Variants in BTC observed in about 807,000 individuals in gnomAD.
BTC encodes betacellulin.
A neutral mutation model predicts 18.1 loss-of-function variants in BTC; 13 were observed. The ratio of observed to expected loss-of-function variants is 0.72; its 90% confidence interval spans 0.47 to 1.14. BTC has a LOEUF of 1.14. Ranked by LOEUF, BTC falls within the 50% of genes most tolerant of loss-of-function variation. The probability of loss-of-function intolerance (pLI) is 0.00; values close to 1 mark genes in which losing one functional copy is unlikely to be tolerated. For synonymous variants in BTC, 83 were observed against 79.4 expected, an observed-to-expected ratio of 1.05 and a Z score of -0.24; for missense variants, 247 against 224.2, an observed-to-expected ratio of 1.10 and a Z score of -0.65.
chr4:74,770,158 T>C lies in BTC; in HGVS notation c.65-2A>G. 1 of 1,597,866 alleles carries C rather than the reference T, an allele frequency of 6.3e-7. No homozygotes were observed. The highest frequency in any genetic ancestry group is 8.5e-7 in the Non-Finnish European group (1 of 1,174,900). ...CCACACAGTGAAGGATCACTAGACC[T>C]TCAAATTCAAAACAGAACCAAAATC... On this transcript the variant is annotated splice_acceptor_variant, in intron 1 of 5. Coordinates refer to ENST00000395743, the MANE Select transcript of BTC (RefSeq NM_001729.4). LOFTEE classifies it high-confidence loss of function.
At chr4:74,783,381 G>C (rs1052567497) in intron 1 of BTC, among the ~76,000 whole-genome samples, 2 of 151,978 alleles carry the variant, frequency 1.3e-5, no homozygotes, top group African/African-American at 4.8e-5. Flanking sequence ...GCTTGTTTTT[G>C]TCAGGTTTGT....
intron 4 of BTC, among the ~76,000 whole-genome samples, chr4:74,749,071 G>T (rs1489180469): frequency 5.3e-5 from 8 of 152,136 alleles, no homozygotes; most frequent in African/African-American, 1.7e-4. Flanking sequence ...GAAAATAAAA[G>T]TTCATAGTTG....
intron 2 of BTC, among the ~76,000 whole-genome samples, chr4:74,762,699 A>C (rs1419013209): frequency 6.6e-6 from 1 of 152,180 alleles, no homozygotes; most frequent in Non-Finnish European, 1.5e-5. Context: ...CCATCATATA[A>C]GAGTAGACCC....
At position 74,769,834 on chromosome 4, in the gene BTC, T is replaced by C. The variant is rs75680689; in HGVS notation, c.163+224A>G. On this transcript the variant is annotated intron_variant, in intron 2 of 5. Transcript: ENST00000395743. The stretch of plus-strand genomic sequence containing the variant: ...TTTGCTGTTTTCCAGCTGTATGACC[T>C]TTGGCAAGTTACTTAATCTTTGTAG... 2.4e-4 allele frequency among the ~76,000 whole-genome samples: 36 copies of C among 152,222 alleles called. No homozygotes were observed. In the East Asian group the frequency reaches 5.8e-3, roughly 25 times the overall value.
intron 1 of BTC, among the ~76,000 whole-genome samples, chr4:74,781,384 C>CGTGT (rs139134613): frequency 0.044 from 5,511 of 126,468 alleles, 131 homozygotes; most frequent in Middle Eastern, 0.06. Context: ...TCTCTCGTCA[C>CGTGT]GTGTGTGTGT....
rs782457125 is a variant in BTC at position 74,750,629 on chromosome 4, C to A, written c.372G>T (p.Leu124Phe). Residue 124 changes from leucine to phenylalanine, a missense_variant, in exon 4 of 6, where the codon TTG becomes TTT. Transcript: ENST00000395743. Reference protein sequence around the residue: ...GDRGQILVICLIAVMVVFIIL... With the variant: ...GDRGQILVICFIAVMVVFIIL... ...TAATAAAAACTACCATAACTGCTAT[C>A]AAACAAATCACCAGAATCTGTCCTC... is the stretch of plus-strand genomic sequence containing the variant. The A allele has an allele frequency of 1.2e-6, 2 of 1,613,868 alleles. No homozygotes were observed. Among genetic ancestry groups the A allele is most frequent in the African/African-American group, 2.7e-5 (2 of 74,930 alleles).
At chr4:74,764,503 C>A (rs782651171) in intron 2 of BTC, among the ~76,000 whole-genome samples, 6 of 152,132 alleles carry the variant, frequency 3.9e-5, no homozygotes, top group Non-Finnish European at 8.8e-5. Flanking sequence ...TTTCCTTAGA[C>A]CCCTCTTTTT....
At chr4:74,772,483 G>A (rs1725068369) in intron 1 of BTC, among the ~76,000 whole-genome samples, 1 of 152,064 alleles carries the variant, frequency 6.6e-6, no homozygotes, top group East Asian at 1.9e-4. Flanking sequence ...AAAAGACTGA[G>A]TGAATCAATC....
intron 1 of BTC, among the ~76,000 whole-genome samples, chr4:74,791,695 C>A (rs1318864108): frequency 1.3e-5 from 2 of 152,148 alleles, no homozygotes; most frequent in East Asian, 3.8e-4. Flanking sequence ...TGTAAAGATG[C>A]ATCTACTAAA....
intron 2 of BTC, among the ~76,000 whole-genome samples, chr4:74,767,784 G>A (rs1207544414): frequency 6.6e-6 from 1 of 152,054 alleles, no homozygotes; most frequent in African/African-American, 2.4e-5. Context: ...AATACGCAAT[G>A]AGGAAAGGGT....
chr4:74,789,381 T>C (rs1213239552), intron 1 of BTC, among the ~76,000 whole-genome samples: 1 of 152,230 alleles, frequency 6.6e-6, no homozygotes, highest in Non-Finnish European at 1.5e-5. Flanking sequence ...TATGAAATAA[T>C]TGAAAAGTTA....
At chr4:74,770,868 GATA>G (rs1212322124) in intron 1 of BTC, among the ~76,000 whole-genome samples, 9 of 151,526 alleles carry the variant, frequency 5.9e-5, no homozygotes, top group Non-Finnish European at 1.0e-4. Flanking sequence ...TTTAAAGTAT[GATA>G]ATGATATTGT....
In BTC at chr4:74,776,515, T is replaced by C. The variant is rs145705825; in HGVS notation, c.65-6359A>G. 2.2e-4 allele frequency among the ~76,000 whole-genome samples: 34 copies of C among 152,330 alleles called. No individual in the cohort carries two copies. In the East Asian group the frequency reaches 4.6e-3, roughly 21 times the overall value. On this transcript the variant is annotated intron_variant, in intron 1 of 5. Coordinates refer to ENST00000395743, the MANE Select transcript of BTC (RefSeq NM_001729.4). ...TGAATCAAGGCTGTATTTATTTTTATGCATTTTGAGATTCTCAAGTTAAAT... is the reference window on the plus strand; with the variant it reads ...TGAATCAAGGCTGTATTTATTTTTACGCATTTTGAGATTCTCAAGTTAAAT...
intron 2 of BTC, among the ~76,000 whole-genome samples, chr4:74,761,972 T>C (rs987569671): frequency 1.1e-4 from 16 of 152,204 alleles, no homozygotes; most frequent in African/African-American, 2.4e-5. Flanking sequence ...CCTTTCTGAC[T>C]TCATATTTGA....
intron 1 of BTC, among the ~76,000 whole-genome samples, chr4:74,786,967 A>ATTTT (rs3087017): frequency 0.036 from 5,173 of 144,682 alleles, 286 homozygotes; most frequent in African/African-American, 0.12. Context: ...AAGAAATACA[A>ATTTT]TTTTTTTTTT....
chr4:74,762,952 T>C (rs1553957459), intron 2 of BTC, among the ~76,000 whole-genome samples: 1 of 152,142 alleles, frequency 6.6e-6, no homozygotes, highest in Non-Finnish European at 1.5e-5. Flanking sequence ...AGATTTTTTG[T>C]TTGCTTTGTT....
chr4:74,764,275 T>C (rs558539564), intron 2 of BTC, among the ~76,000 whole-genome samples: 1 of 152,288 alleles, frequency 6.6e-6, no homozygotes, highest in South Asian at 2.1e-4. Flanking sequence ...CTCTACACTG[T>C]GGGAAACTGG....
At position 74,750,719 on chromosome 4, in the gene BTC, G is replaced by C. The variant is rs146656652; in HGVS notation, c.282C>G (p.Val94=). The C allele has an allele frequency of 1.2e-6, 2 of 1,611,244 alleles. No individual in the cohort carries two copies. Among genetic ancestry groups the C allele is most frequent in the African/African-American group, 1.3e-5 (1 of 74,736 alleles). Residue 94 remains valine (V), a splice_region_variant and synonymous_variant, in exon 4 of 6, where the codon GTC becomes GTG. Coordinates refer to ENST00000395743, the MANE Select transcript of BTC (RefSeq NM_001729.4). ...FVVAEQTPSC[V]CDEGYIGARC... is the part of the protein sequence containing the mutation. The stretch of plus-strand genomic sequence containing the variant: ...TTGCTCCAATGTAGCCTTCATCACA[G>C]CTATAAAACAAGACGAGGGCAAGGA...
intron 1 of BTC, among the ~76,000 whole-genome samples, chr4:74,787,554 T>G (rs1169399850): frequency 6.6e-6 from 1 of 152,208 alleles, no homozygotes; most frequent in Non-Finnish European, 1.5e-5. Context: ...TTAATCCAAT[T>G]GCTTTCCTCT....
Sources: allele counts gnomAD v4.1 joint callset (sites outside exome capture counted in the v4.1 genomes callset), GRCh38; gene constraint gnomAD v4.1.1; transcripts MANE v1.5; gene names NCBI Gene and HGNC (gene_info 2026-07-23, HGNC 2026-07-21).